The following PDE8B variants were observed in gnomAD, a reference collection of about 807,000 sequenced individuals.
PDE8B encodes the protein high affinity cAMP-specific and IBMX-insensitive 3',5'-cyclic phosphodiesterase 8B.
PDE8B carries 26 observed loss-of-function variants against 101.3 expected under a neutral mutation model. That is an observed-to-expected ratio of 0.26 (90% CI 0.19 to 0.36). The LOEUF is 0.36. Ranked by LOEUF, PDE8B falls within the 10% of genes least tolerant of loss-of-function variation. The probability of loss-of-function intolerance (pLI) is 1.00; values close to 1 mark genes in which losing one functional copy is unlikely to be tolerated. For missense variants in PDE8B, 810 were observed against 1,163.1 expected (o/e 0.70, Z 4.42); for synonymous variants, 424 against 429.3 (o/e 0.99, Z 0.15).
At chr5:77,174,128 T>A in the PDE8B span, among the ~76,000 whole-genome samples, 1 of 152,202 alleles carries the variant, frequency 6.6e-6, no homozygotes, top group Non-Finnish European at 1.5e-5. Context: ...CTCTTACCTA[T>A]ATATTGATGC....
intron 1 of PDE8B, among the ~76,000 whole-genome samples, chr5:77,233,652 CTCTG>C (rs1477209868): frequency 1.7e-4 from 22 of 126,940 alleles, no homozygotes; most frequent in East Asian, 3.6e-4. Context: ...CCCCCTGAAG[CTCTG>C]TGTGTGTGTG....
the PDE8B span, among the ~76,000 whole-genome samples, chr5:77,121,614 T>C: frequency 2.0e-5 from 3 of 151,990 alleles, no homozygotes; most frequent in African/African-American, 7.2e-5. Flanking sequence ...TTCAAGCAAT[T>C]CTTCTGCCTC....
the PDE8B span, among the ~76,000 whole-genome samples, chr5:77,176,495 T>C: frequency 6.6e-6 from 1 of 152,142 alleles, no homozygotes; most frequent in South Asian, 2.1e-4. Flanking sequence ...GTGGAGGAGA[T>C]ATTCATGGGC....
chr5:77,250,026 T>C (rs1352046300), intron 1 of PDE8B, among the ~76,000 whole-genome samples: 1 of 152,234 alleles, frequency 6.6e-6, no homozygotes, highest in African/African-American at 2.4e-5. Context: ...GCTTAATTGC[T>C]TCCATTTTAA....
chr5:77,322,783 A>G (rs1775331624), intron 2 of PDE8B, among the ~76,000 whole-genome samples: 1 of 152,232 alleles, frequency 6.6e-6, no homozygotes, highest in Non-Finnish European at 1.5e-5. Context: ...ACCATTCTGT[A>G]TAATGTGCTT....
In PDE8B at chr5:77,226,362, TC is replaced by T. The variant is rs548136930; in HGVS notation, c.339+15099del. On this transcript the variant is annotated intron_variant, in intron 1 of 21. Coordinates refer to ENST00000264917, the MANE Select transcript of PDE8B (RefSeq NM_003719.5). ...TCAACTTTTCTGCATTTTCCTTTTTTCACTTAACAGATATCCTGGAGATCAT... is the reference window on the plus strand; with the variant it reads ...TCAACTTTTCTGCATTTTCCTTTTTTACTTAACAGATATCCTGGAGATCAT... Among the ~76,000 whole-genome samples the T allele has an allele frequency of 2.0e-4, 30 of 152,340 alleles. No homozygotes were observed. In the East Asian group the frequency reaches 5.0e-3, roughly 25 times the overall value.
intron 10 of PDE8B, among the ~76,000 whole-genome samples, chr5:77,396,089 G>A (rs759552604): frequency 2.0e-5 from 3 of 152,234 alleles, no homozygotes; most frequent in Non-Finnish European, 4.4e-5. Flanking sequence ...TAAAACCAAA[G>A]ACACTGCTCC....
chr5:77,148,732 CTTA>C, the PDE8B span, among the ~76,000 whole-genome samples: 1 of 151,666 alleles, frequency 6.6e-6, no homozygotes, highest in Non-Finnish European at 1.5e-5. Flanking sequence ...AGTTGTTTTT[CTTA>C]TTATTCAGTT....
rs775281150 is a variant in PDE8B at position 77,333,586 on chromosome 5, G to A, written c.708+2127G>A. 8.5e-4 allele frequency among the ~76,000 whole-genome samples: 129 copies of A among 152,254 alleles called. 2 individuals carry two copies. The highest frequency in any genetic ancestry group is 1.9e-4 in the East Asian group (1 of 5,180). On this transcript the variant is annotated intron_variant, in intron 5 of 21. Coordinates refer to ENST00000264917, the MANE Select transcript of PDE8B (RefSeq NM_003719.5). ...AGGACCCATGTACGTGCTGTTGAGT[G>A]TCCTTTTGGAATTCTACCTTTAGTT...
chr5:77,407,410 T>C lies in PDE8B; in HGVS notation c.1318T>C (p.Ser440Pro). The change falls in exon 13 of 22, where the codon TCC becomes CCC. Residue 440 changes from serine to proline, a missense_variant. Physicochemically the swap from Ser to Pro is moderately conservative, Grantham distance 74. Coordinates refer to ENST00000264917, the MANE Select transcript of PDE8B (RefSeq NM_003719.5). ...APSLQNRRYPSMARIHSMTIE... is the reference protein window; with the variant it reads ...APSLQNRRYPPMARIHSMTIE... ...AAGCCTGCAGAATCGTCGCTATCCGTCCATGGCGAGGATCCACTCCATGAC... is the reference window on the plus strand; with the variant it reads ...AAGCCTGCAGAATCGTCGCTATCCGCCCATGGCGAGGATCCACTCCATGAC... 1 of 1,614,046 alleles carries C rather than the reference T, an allele frequency of 6.2e-7. No homozygotes were observed. The highest frequency in any genetic ancestry group is 1.1e-5 in the South Asian group (1 of 91,084).
the PDE8B span, among the ~76,000 whole-genome samples, chr5:77,191,843 C>T: frequency 1.3e-5 from 2 of 152,106 alleles, no homozygotes; most frequent in Non-Finnish European, 2.9e-5. Context: ...ATACAACTCA[C>T]CATAATGTAG....
the PDE8B span, among the ~76,000 whole-genome samples, chr5:77,161,739 C>T: frequency 6.6e-6 from 1 of 152,150 alleles, no homozygotes; most frequent in Non-Finnish European, 1.5e-5. Flanking sequence ...CTCCCACCAA[C>T]ATTGATGAGC....
the PDE8B span, among the ~76,000 whole-genome samples, chr5:77,124,763 C>T: frequency 6.6e-6 from 1 of 151,896 alleles, no homozygotes; most frequent in African/African-American, 2.4e-5. Flanking sequence ...TTAGACACTG[C>T]AGAAGAAAAG....
chr5:77,227,048 G>C (rs1752546718), intron 1 of PDE8B, among the ~76,000 whole-genome samples: 1 of 152,286 alleles, frequency 6.6e-6, no homozygotes, highest in Middle Eastern at 3.4e-3. Context: ...AGGGGGCTCT[G>C]TATCACTGAT....
intron 8 of PDE8B, among the ~76,000 whole-genome samples, chr5:77,350,206 G>C (rs1780837245): frequency 6.6e-6 from 1 of 152,162 alleles, no homozygotes; most frequent in African/African-American, 2.4e-5. Context: ...TCCTTTCTGT[G>C]ATGTGAAGTA....
At chr5:77,243,984 A>G (rs2149565729) in intron 1 of PDE8B, among the ~76,000 whole-genome samples, 1 of 152,048 alleles carries the variant, frequency 6.6e-6, no homozygotes, top group East Asian at 1.9e-4. Context: ...GCTTGATTAA[A>G]TGGTTAATGT....
At chr5:77,133,757 A>AT in the PDE8B span, among the ~76,000 whole-genome samples, 1 of 152,246 alleles carries the variant, frequency 6.6e-6, no homozygotes, top group Non-Finnish European at 1.5e-5. Context: ...ATTTAGCTGC[A>AT]TATAATAGGT....
chr5:77,167,600 G>A, the PDE8B span, among the ~76,000 whole-genome samples: 3 of 152,160 alleles, frequency 2.0e-5, no homozygotes, highest in Non-Finnish European at 2.9e-5. Flanking sequence ...GGGGCACGCG[G>A]CTGCTCCCTC....
intron 2 of PDE8B, among the ~76,000 whole-genome samples, chr5:77,315,113 C>T (rs925064106): frequency 1.3e-5 from 2 of 151,940 alleles, no homozygotes; most frequent in Admixed American, 6.6e-5. Context: ...TCTCTCAATC[C>T]GTGGCTCTTT....
Sources: allele counts gnomAD v4.1 joint callset (sites outside exome capture counted in the v4.1 genomes callset), GRCh38; gene constraint gnomAD v4.1.1; transcripts MANE v1.5; gene names NCBI Gene and HGNC (gene_info 2026-07-23, HGNC 2026-07-21).